The following SVIP variants were observed in gnomAD, a reference collection of about 807,000 sequenced individuals.
SVIP encodes small VCP interacting protein.
Under a neutral mutation model 12.9 loss-of-function variants are expected in SVIP, and 14 were observed. The ratio of observed to expected loss-of-function variants is 1.08; its 90% confidence interval spans 0.72 to 1.70. SVIP has a LOEUF of 1.70. Among genes scored for constraint, SVIP ranks in the 40% most tolerant of loss-of-function variants. SVIP has a pLI of 0.00. For synonymous variants in SVIP, 35 were observed against 33.3 expected (o/e 1.05, Z -0.17); for missense variants, 93 against 90.8 (o/e 1.02, Z -0.10).
intron 3 of SVIP, among the ~76,000 whole-genome samples, chr11:22,824,463 C>CGT (rs1564905965): frequency 8.7e-6 from 1 of 115,094 alleles, no homozygotes; most frequent in East Asian, 2.3e-4. Context: ...TATATATACA[C>CGT]ATATATATAC....
intron 1 of SVIP, 125 bp from the exon 2 acceptor site, chr11:22,827,999 C>A: frequency 3.3e-6 from 2 of 614,326 alleles, no homozygotes; most frequent in Non-Finnish European, 5.0e-6. Context: ...AAATGTCCCA[C>A]AAAGAATGCC....
rs895594967 is a variant in SVIP, at chr11:22,819,071, T to C, written c.*4048A>G. ...ATTTTTCATTGCTTGCATATAAACATAGAATTGACTTTCATATACTTTTCA... is the reference window on the plus strand; with the variant it reads ...ATTTTTCATTGCTTGCATATAAACACAGAATTGACTTTCATATACTTTTCA... On this transcript the variant is annotated 3_prime_UTR_variant, in exon 4 of 4. Transcript: ENST00000354193. 7.2e-5 allele frequency: 11 copies of C among 152,236 alleles called. No individual in the cohort carries two copies. Among genetic ancestry groups the C allele is most frequent in the Admixed American group, 6.5e-5 (1 of 15,286 alleles). 9.4% of individuals were successfully genotyped at this position (152,236 alleles called of 1,614,324 possible).
Position 22,820,818 on chromosome 11 carries a change from T to G in SVIP, c.*2301A>C, listed in dbSNP as rs1027192120. The stretch of plus-strand genomic sequence containing the variant: ...TAGCAGCCGTTAAGTTTGATTAGTA[T>G]TAAGCAGCAATGGTTTAAGCAATTT... On this transcript the variant is annotated 3_prime_UTR_variant, in exon 4 of 4. Coordinates refer to ENST00000354193, the MANE Select transcript of SVIP (RefSeq NM_148893.3). The G allele has an allele frequency of 1.3e-5, 2 of 152,192 alleles. No individual in the cohort carries two copies. The highest frequency in any genetic ancestry group is 1.3e-4 in the Admixed American group (2 of 15,282). The allele number at this position is 152,192 out of a possible 1,614,324, so 9.4% of individuals were successfully genotyped here.
chr11:22,829,769 C>T lies in SVIP; in HGVS notation c.-21G>A, dbSNP rs925515422. The T allele has an allele frequency of 1.6e-5, 26 of 1,598,546 alleles. No individual in the cohort carries two copies. The highest frequency in any genetic ancestry group is 2.3e-5 in the South Asian group (2 of 88,616). The stretch of plus-strand genomic sequence containing the variant: ...CCCATAGGGACGACAGCTTGAGAAC[C>T]CTGACCGGGTCCGGCCCAGGCCAGG... On this transcript the variant is annotated 5_prime_UTR_variant, in exon 1 of 4. Transcript: ENST00000354193.
At chr11:22,825,785 T>C (rs1857676231) in intron 3 of SVIP, among the ~76,000 whole-genome samples, 1 of 152,220 alleles carries the variant, frequency 6.6e-6, no homozygotes, top group Admixed American at 6.5e-5. Context: ...GTCTTCTTAA[T>C]TATGATTAAG....
At chr11:22,823,790 G>A (rs1857567990) in intron 3 of SVIP, among the ~76,000 whole-genome samples, 1 of 152,122 alleles carries the variant, frequency 6.6e-6, no homozygotes. Context: ...GGTGAGGTGG[G>A]AATGGCTCAC....
At chr11:22,829,497 A>C (rs1329204802) in intron 1 of SVIP, 198 bp downstream of exon 1, 3 of 502,960 alleles carry the variant, frequency 6.0e-6, no homozygotes, top group East Asian at 3.4e-5. Context: ...AAAAGTGGAG[A>C]TCTACACGGA....
chr11:22,826,918 T>C (rs1857729054), intron 3 of SVIP, among the ~76,000 whole-genome samples: 1 of 152,134 alleles, frequency 6.6e-6, no homozygotes, highest in Admixed American at 6.5e-5. Flanking sequence ...TACTTCTCCA[T>C]ATTGCTTGAA....
At chr11:22,823,560 GT>G (rs777700452) in intron 3 of SVIP, among the ~76,000 whole-genome samples, 45 of 152,164 alleles carry the variant, frequency 3.0e-4, no homozygotes, top group Non-Finnish European at 6.2e-4. Context: ...TAACCCCCAG[GT>G]CATAAAACCC....
intron 1 of SVIP, among the ~76,000 whole-genome samples, chr11:22,828,826 C>T (rs1403919392): frequency 6.6e-6 from 1 of 152,110 alleles, no homozygotes; most frequent in Non-Finnish European, 1.5e-5. Flanking sequence ...TAATGTACTT[C>T]CCAAAAATAC....
chr11:22,824,837 G>A (rs1224336589), intron 3 of SVIP, among the ~76,000 whole-genome samples: 1 of 152,134 alleles, frequency 6.6e-6, no homozygotes, highest in Non-Finnish European at 1.5e-5. Context: ...ACTGACTGGT[G>A]TGAGGTGGAG....
chr11:22,829,691 T>G lies in SVIP; in HGVS notation c.54+4A>C, dbSNP rs753526233. The stretch of plus-strand genomic sequence containing the variant: ...CGGCGGACGCAGGGACCTGCTCTAC[T>G]CACCAGGTCCGGCGTGGGAGGCGCG... On this transcript the variant is annotated splice_donor_region_variant and intron_variant, in intron 1 of 3. Transcript: ENST00000354193. 1.0e-5 allele frequency: 16 copies of G among 1,598,868 alleles called. No individual in the cohort carries two copies. The highest frequency in any genetic ancestry group is 1.2e-5 in the Non-Finnish European group (14 of 1,173,754).
chr11:22,822,954 CT>C lies in SVIP; in HGVS notation c.*164del. The C allele has an allele frequency of 7.0e-6, 4 of 575,140 alleles. No individual in the cohort carries two copies. The highest frequency in any genetic ancestry group is 1.2e-5 in the Non-Finnish European group (4 of 339,138). 35.6% of individuals were successfully genotyped at this position (575,140 alleles called of 1,614,324 possible). On this transcript the variant is annotated 3_prime_UTR_variant, in exon 4 of 4. Coordinates refer to ENST00000354193, the MANE Select transcript of SVIP (RefSeq NM_148893.3). ...ATTTAATGAAAAGTCTAGCCATTCT[CT>C]AAGCTTGAAAATCAACGTTTTTTTA...
chr11:22,826,964 A>C (rs943771012), intron 3 of SVIP, among the ~76,000 whole-genome samples: 2 of 152,146 alleles, frequency 1.3e-5, no homozygotes, highest in Non-Finnish European at 2.9e-5. Context: ...TAAGCATAAG[A>C]GTATTAAAAT....
rs973555410 is a variant in SVIP, at chr11:22,819,215, T to C, written c.*3904A>G. On this transcript the variant is annotated 3_prime_UTR_variant, in exon 4 of 4. Coordinates refer to ENST00000354193, the MANE Select transcript of SVIP (RefSeq NM_148893.3). The stretch of plus-strand genomic sequence containing the variant: ...TTAAATATATCTGTTACATTTATAA[T>C]GTAACTATGTCTAAGAAATATAGAC... 2 of 152,230 alleles carry C rather than the reference T, an allele frequency of 1.3e-5. No homozygotes were observed. Among genetic ancestry groups the C allele is most frequent in the Non-Finnish European group, 2.9e-5 (2 of 68,042 alleles). The allele number at this position is 152,230 out of a possible 1,614,324, so 9.4% of individuals were successfully genotyped here. A position where few individuals can be genotyped will look rare whatever the true frequency, so the allele number is the denominator to read the frequency against.
At chr11:22,826,068 A>G (rs1423722005) in intron 3 of SVIP, among the ~76,000 whole-genome samples, 1 of 152,238 alleles carries the variant, frequency 6.6e-6, no homozygotes, top group Non-Finnish European at 1.5e-5. Context: ...TTATGGAATT[A>G]TAAAAAACAT....
At chr11:22,826,824 CA>C (rs2134762649) in intron 3 of SVIP, among the ~76,000 whole-genome samples, 1 of 152,166 alleles carries the variant, frequency 6.6e-6, no homozygotes, top group South Asian at 2.1e-4. Context: ...TAGCGTAATC[CA>C]ATTTAATAAG....
Position 22,819,592 on chromosome 11 carries a change from G to A in SVIP, c.*3527C>T, listed in dbSNP as rs933380935. 3 of 152,248 alleles carry A rather than the reference G, an allele frequency of 2.0e-5. No individual in the cohort carries two copies. Among genetic ancestry groups the A allele is most frequent in the Non-Finnish European group, 2.9e-5 (2 of 68,070 alleles). The allele number at this position is 152,248 out of a possible 1,614,324, so 9.4% of individuals were successfully genotyped here. A position where few individuals can be genotyped will look rare whatever the true frequency, so the allele number is the denominator to read the frequency against. On this transcript the variant is annotated 3_prime_UTR_variant, in exon 4 of 4. Coordinates refer to ENST00000354193, the MANE Select transcript of SVIP (RefSeq NM_148893.3). ...GTTCGAGACCAGCCTGACCAACGTG[G>A]AGAAACCCTGTCTCTACTAAAAACA...
Position 22,823,972 on chromosome 11 carries a change from T to C in SVIP, c.220-839A>G, listed in dbSNP as rs146558683. 1.2e-4 allele frequency among the ~76,000 whole-genome samples: 19 copies of C among 152,256 alleles called. No individual in the cohort carries two copies. In the South Asian group the frequency reaches 2.3e-3, roughly 18 times the overall value. On this transcript the variant is annotated intron_variant, in intron 3 of 3. Coordinates refer to ENST00000354193, the MANE Select transcript of SVIP (RefSeq NM_148893.3). ...CTCCTGACCTCAAGTGATCATCCCA[T>C]CTTCTCAGCCTCCCAAAGCCTTCCT... is the stretch of plus-strand genomic sequence containing the variant.
Sources: allele counts gnomAD v4.1 joint callset (sites outside exome capture counted in the v4.1 genomes callset), GRCh38; gene constraint gnomAD v4.1.1; transcripts MANE v1.5; gene names NCBI Gene and HGNC (gene_info 2026-07-23, HGNC 2026-07-21).